CSMD1: variants seen among roughly 807,000 people sequenced by gnomAD.
CSMD1 encodes CUB and Sushi multiple domains 1.
A neutral mutation model predicts 417.5 loss-of-function variants in CSMD1; 213 were observed. That is an observed-to-expected ratio of 0.51 (90% CI 0.46 to 0.57). The LOEUF (loss-of-function observed/expected upper bound fraction) is 0.57. Ranked by LOEUF, CSMD1 falls within the 20% of genes least tolerant of loss-of-function variation. CSMD1 has a pLI of 0.00. For missense variants in CSMD1, 6,923 were observed against 4,529.7 expected, an observed-to-expected ratio of 1.53 and a Z score of -15.17; for synonymous variants, 2,862 against 1,736.8, an observed-to-expected ratio of 1.65 and a Z score of -16.11.
intron 4 of CSMD1, among the ~76,000 whole-genome samples, chr8:4,028,000 A>G (rs1361039695): frequency 2.6e-4 from 40 of 152,224 alleles, no homozygotes; most frequent in Non-Finnish European, 4.4e-5. Flanking sequence ...AGATCAATTA[A>G]TTGAGAACAG....
intron 5 of CSMD1, among the ~76,000 whole-genome samples, chr8:3,879,532 C>A (rs1176094105): frequency 6.6e-6 from 1 of 152,126 alleles, no homozygotes; most frequent in Non-Finnish European, 1.5e-5. Context: ...TAGCTCCTCC[C>A]CCGCTACAGT....
intron 2 of CSMD1, among the ~76,000 whole-genome samples, chr8:4,429,419 C>T (rs1457177405): frequency 1.3e-5 from 2 of 152,116 alleles, no homozygotes; most frequent in African/African-American, 2.4e-5. Context: ...AAAGCATCCT[C>T]CTTTCACACA....
intron 1 of CSMD1, among the ~76,000 whole-genome samples, chr8:4,934,170 C>G (rs918546616): frequency 1.3e-5 from 2 of 152,124 alleles, no homozygotes; most frequent in African/African-American, 2.4e-5. Context: ...GCCAGGCTAA[C>G]AAGAAACAGA....
chr8:3,903,417 A>G (rs763349963), intron 5 of CSMD1, among the ~76,000 whole-genome samples: 1 of 152,198 alleles, frequency 6.6e-6, no homozygotes, highest in African/African-American at 2.4e-5. Flanking sequence ...CAGAGCATTA[A>G]TATTAATGTG....
At chr8:3,480,988 G>A (rs1439612218) in intron 11 of CSMD1, among the ~76,000 whole-genome samples, 1 of 151,178 alleles carries the variant, frequency 6.6e-6, no homozygotes, top group Non-Finnish European at 1.5e-5. Flanking sequence ...AACCCTGTCT[G>A]AACTAAAAAT....
intron 3 of CSMD1, among the ~76,000 whole-genome samples, chr8:4,119,635 G>C (rs978466924): frequency 7.2e-5 from 11 of 152,218 alleles, no homozygotes; most frequent in African/African-American, 2.6e-4. Flanking sequence ...TGTGCTCTGT[G>C]AGGAACAAGG....
rs558562905 is a variant in CSMD1 at position 3,456,426 on chromosome 8, G to T, written c.1561+12286C>A. Among the ~76,000 whole-genome samples the T allele has an allele frequency of 6.6e-5, 10 of 152,120 alleles. 1 individual carries two copies. In the South Asian group the frequency reaches 1.9e-3, roughly 28 times the overall value. ...TGTAGACTGGAGCTGTTCCTCTTTGGCCATCTTGGCTCCACCCCTTACTCT... is the reference window on the plus strand; with the variant it reads ...TGTAGACTGGAGCTGTTCCTCTTTGTCCATCTTGGCTCCACCCCTTACTCT... On this transcript the variant is annotated intron_variant, in intron 12 of 69. Coordinates refer to ENST00000635120, the MANE Select transcript of CSMD1 (RefSeq NM_033225.6).
chr8:3,833,289 GTTTAT>G (rs1802476015), intron 5 of CSMD1, among the ~76,000 whole-genome samples: 2 of 152,074 alleles, frequency 1.3e-5, no homozygotes, highest in African/African-American at 2.4e-5. Context: ...ACTGATATCT[GTTTAT>G]TTTATGTTTC....
chr8:4,077,786 C>T (rs1412388883), intron 3 of CSMD1, among the ~76,000 whole-genome samples: 1 of 152,144 alleles, frequency 6.6e-6, no homozygotes, highest in Non-Finnish European at 1.5e-5. Context: ...TCAGCTCATT[C>T]CAAAAGTTGT....
intron 18 of CSMD1, among the ~76,000 whole-genome samples, chr8:3,381,377 G>A (rs1007027340): frequency 6.6e-6 from 1 of 151,952 alleles, no homozygotes; most frequent in Non-Finnish European, 1.5e-5. Flanking sequence ...TATCATCCAA[G>A]AAAGCCATAT....
chr8:3,935,249 A>G (rs563540057), intron 5 of CSMD1, among the ~76,000 whole-genome samples: 1 of 152,362 alleles, frequency 6.6e-6, no homozygotes, highest in Non-Finnish European at 1.5e-5. Context: ...GTAGAAGAAC[A>G]GAATCATTAT....
intron 2 of CSMD1, among the ~76,000 whole-genome samples, chr8:4,440,505 A>T (rs923046790): frequency 6.6e-6 from 1 of 152,126 alleles, no homozygotes; most frequent in Non-Finnish European, 1.5e-5. Flanking sequence ...TCCCTCTATA[A>T]TTTCTATGGA....
At chr8:2,964,412 G>T (rs1170506196) in intron 59 of CSMD1, among the ~76,000 whole-genome samples, 1 of 152,204 alleles carries the variant, frequency 6.6e-6, no homozygotes, top group Non-Finnish European at 1.5e-5. Context: ...ATGTCCAGGG[G>T]GAGGCCCCAG....
chr8:4,303,193 C>T (rs1355964507), intron 3 of CSMD1, among the ~76,000 whole-genome samples: 1 of 152,080 alleles, frequency 6.6e-6, no homozygotes, highest in African/African-American at 2.4e-5. Context: ...GGGCTTGCAA[C>T]TGAGAATAAC....
intron 23 of CSMD1, among the ~76,000 whole-genome samples, chr8:3,341,705 T>C (rs962207965): frequency 2.0e-5 from 3 of 152,236 alleles, no homozygotes; most frequent in African/African-American, 7.2e-5. Context: ...AACGAAAATG[T>C]GTTCAGTGGC....
At chr8:4,759,636 C>A (rs1298187992) in intron 1 of CSMD1, among the ~76,000 whole-genome samples, 1 of 152,248 alleles carries the variant, frequency 6.6e-6, no homozygotes. Context: ...CATTGCTCAA[C>A]TCCCACTTAT....
chr8:3,965,252 C>T (rs572922236), intron 5 of CSMD1, among the ~76,000 whole-genome samples: 1 of 152,296 alleles, frequency 6.6e-6, no homozygotes, highest in African/African-American at 2.4e-5. Flanking sequence ...TTCCACTCAG[C>T]CTTTGGTCTC....
intron 53 of CSMD1, among the ~76,000 whole-genome samples, chr8:2,998,996 C>T (rs921419240): frequency 6.6e-6 from 1 of 152,034 alleles, no homozygotes; most frequent in Non-Finnish European, 1.5e-5. Flanking sequence ...GGAAAATATA[C>T]AATATTTCTA....
intron 28 of CSMD1, among the ~76,000 whole-genome samples, chr8:3,221,994 C>G (rs1339882431): frequency 6.6e-6 from 1 of 152,132 alleles, no homozygotes. Flanking sequence ...GGAAGCTGGA[C>G]ATCCTCATCC....
Sources: allele counts gnomAD v4.1 joint callset (sites outside exome capture counted in the v4.1 genomes callset), GRCh38; gene constraint gnomAD v4.1.1; transcripts MANE v1.5; gene names NCBI Gene and HGNC (gene_info 2026-07-23, HGNC 2026-07-21).